Variants in POLR3A observed in about 807,000 individuals in gnomAD.
POLR3A encodes RNA polymerase III subunit A.
A neutral mutation model predicts 152.8 loss-of-function variants in POLR3A; 112 were observed. The ratio of observed to expected loss-of-function variants is 0.73; its 90% confidence interval spans 0.63 to 0.86. The LOEUF (loss-of-function observed/expected upper bound fraction) is 0.86, where lower values mean the gene tolerates loss of function less well. Among genes scored for constraint, POLR3A ranks in the 40% least tolerant of loss-of-function variants. The pLI is 0.00. For missense variants in POLR3A, 1,385 were observed against 1,743.1 expected (o/e 0.79, Z 3.66); for synonymous variants, 615 against 652.1 (o/e 0.94, Z 0.87).
chr10:77,995,710 T>C (rs956673748), intron 19 of POLR3A, among the ~76,000 whole-genome samples: 1 of 152,134 alleles, frequency 6.6e-6, no homozygotes. Flanking sequence ...ACAATAATAA[T>C]GGGAGACTTT....
At chr10:78,004,197 G>A (rs551430350) in intron 16 of POLR3A, among the ~76,000 whole-genome samples, 7 of 152,110 alleles carry the variant, frequency 4.6e-5, no homozygotes, top group Non-Finnish European at 1.0e-4. Flanking sequence ...TCGTACCACT[G>A]CACTCCAGCC....
At position 78,029,477 on chromosome 10, in the gene POLR3A, T is replaced by A; in HGVS notation, c.-70A>T. 6.6e-7 allele frequency: 1 copy of A among 1,511,862 alleles called. No homozygotes were observed. Among genetic ancestry groups the A allele is most frequent in the South Asian group, 1.1e-5 (1 of 88,934 alleles). 93.7% of individuals were successfully genotyped at this position (1,511,862 alleles called of 1,614,324 possible). A position where few individuals can be genotyped will look rare whatever the true frequency, so the allele number is the denominator to read the frequency against. ...TTAGAGAAACGATGCCCCCAGCACC[T>A]CCTGGGGCTGCTTCTGGACTCGCCG... On this transcript the variant is annotated 5_prime_UTR_variant, in exon 1 of 31. Coordinates refer to ENST00000372371, the MANE Select transcript of POLR3A (RefSeq NM_007055.4).
In POLR3A at chr10:78,002,251, G is replaced by A. The variant is rs188164557; in HGVS notation, c.2305C>T (p.Arg769Trp). 6.4e-5 allele frequency: 103 copies of A among 1,604,958 alleles called. No individual in the cohort carries two copies. The highest frequency in any genetic ancestry group is 7.7e-5 in the Non-Finnish European group (90 of 1,176,400). The part of the protein sequence containing the change: ...IRDHAGSACL[R>W]ELDKSNSPLT... ...GGGCTGTTGCTCTTGTCCAGCTCCC[G>A]GAGGCAGGCACTGCCAGCGTGGTCA... Residue 769 changes from arginine (R) to tryptophan (W), a missense_variant, in exon 17 of 31, where the codon CGG (arginine) becomes TGG (tryptophan). By Grantham distance (101) the Arg-to-Trp change is moderately radical. Transcript: ENST00000372371.
intron 19 of POLR3A, among the ~76,000 whole-genome samples, chr10:77,996,409 C>T (rs145934718): frequency 0.085 from 12,897 of 151,884 alleles, 1,754 homozygotes; most frequent in African/African-American, 0.29. Context: ...ATTGACAGAC[C>T]GCTAGCAAGA....
chr10:78,002,385 A>T lies in POLR3A; in HGVS notation c.2248-77T>A, dbSNP rs866528066. 4.0e-6 allele frequency: 4 copies of T among 1,007,656 alleles called. No individual in the cohort carries two copies. The Middle Eastern group carries it at 8.1e-4, about 204-fold the overall frequency. 62.4% of individuals were successfully genotyped at this position (1,007,656 alleles called of 1,614,324 possible). ...ATTACAAATGTTCAATCTAACATTT[A>T]AAGAAATTTGAAAATACTGAGGCAA... On this transcript the variant is annotated intron_variant, in intron 16 of 30. Transcript: ENST00000372371.
At chr10:77,989,471 T>G (rs80242863) in intron 21 of POLR3A, among the ~76,000 whole-genome samples, 188 of 152,344 alleles carry the variant, frequency 1.2e-3, no homozygotes, top group African/African-American at 4.3e-3. Flanking sequence ...GGCAAGGACA[T>G]GTTTAGTCAT....
rs758387806 is a variant in POLR3A, at chr10:78,010,471, C to T, written c.1642G>A (p.Gly548Ser). 6.2e-7 allele frequency: 1 copy of T among 1,611,402 alleles called. No homozygotes were observed. Among genetic ancestry groups the T allele is most frequent in the Admixed American group, 1.7e-5 (1 of 60,010 alleles). ...TTTCAAGTGAACTTCACCAACCTACCTGTTAGAAAATCCTGAATAGCAGCA... is the reference window on the plus strand; with the variant it reads ...TTTCAAGTGAACTTCACCAACCTACTTGTTAGAAAATCCTGAATAGCAGCA... ...LIAAIQDFLT[G>S]AYLLTLKDTF... The change falls in exon 12 of 31, where the codon GGT (glycine) becomes AGT (serine). Residue 548 changes from glycine to serine, a missense_variant and splice_region_variant. Gly to Ser is a moderately conservative substitution (Grantham distance 56). Around this residue, in one of 7 missense-constraint regions of POLR3A, gnomAD observed 188 missense variants for 179.9 expected, o/e 1.04. Transcript: ENST00000372371.
chr10:77,992,898 T>C (rs958733759), intron 20 of POLR3A, among the ~76,000 whole-genome samples: 4 of 150,918 alleles, frequency 2.7e-5, no homozygotes, highest in South Asian at 2.1e-4. Flanking sequence ...CTTTTTTTTA[T>C]AGAGACGGGG....
chr10:78,000,951 T>C, intron 18 of POLR3A, 25 bp downstream of exon 18: 1 of 1,165,746 alleles, frequency 8.6e-7, no homozygotes, highest in Non-Finnish European at 1.3e-6. Context: ...ATCTTCACAG[T>C]TCTACCTGAT....
chr10:78,003,800 C>G (rs899846415), intron 16 of POLR3A, among the ~76,000 whole-genome samples: 1 of 151,368 alleles, frequency 6.6e-6, no homozygotes, highest in Non-Finnish European at 1.5e-5. Flanking sequence ...TGGTGGTGGG[C>G]GCCTGTAATC....
intron 19 of POLR3A, among the ~76,000 whole-genome samples, chr10:77,994,912 A>C (rs902375127): frequency 8.8e-4 from 134 of 152,334 alleles, no homozygotes; most frequent in Middle Eastern, 6.8e-3. Flanking sequence ...AGCCAGAGAG[A>C]AAGGTCGGGT....
At chr10:77,980,424 C>G (rs1847129952) in intron 29 of POLR3A, 151 bp from the exon 30 acceptor site, 2 of 726,264 alleles carry the variant, frequency 2.8e-6, no homozygotes, top group South Asian at 3.0e-5. Context: ...GGTCCGCCCT[C>G]TGTGTCCCAT....
chr10:78,014,147 A>T (rs933459858), intron 10 of POLR3A, among the ~76,000 whole-genome samples: 1 of 150,520 alleles, frequency 6.6e-6, no homozygotes. Context: ...ATAGAGCGAG[A>T]CTCCATCTCA....
chr10:78,005,062 T>C (rs566495799), intron 15 of POLR3A, among the ~76,000 whole-genome samples, 174 bp from the exon 16 acceptor site: 1 of 152,362 alleles, frequency 6.6e-6, no homozygotes, highest in East Asian at 1.9e-4. Flanking sequence ...AATTAAATAA[T>C]GGCTTTCTTT....
In POLR3A at chr10:78,002,300, GATCAGT is replaced by G; in HGVS notation, c.2250_2255del (p.Ile752_Leu753del). The G allele has an allele frequency of 1.3e-6, 2 of 1,594,514 alleles. No individual in the cohort carries two copies. The highest frequency in any genetic ancestry group is 1.7e-6 in the Non-Finnish European group (2 of 1,169,590). On this transcript the variant is annotated inframe_deletion and splice_region_variant, in exon 17 of 31. Transcript: ENST00000372371. Reference sequence around the variant, plus strand: ...CACGGATCACAGACAGCTCCTTCAGGATCAGTGCCTAGTGGGAGAAAAGGAGATCCT... The same window carrying G: ...CACGGATCACAGACAGCTCCTTCAGGGCCTAGTGGGAGAAAAGGAGATCCT...
chr10:78,007,063 C>T (rs1343212512), intron 15 of POLR3A, among the ~76,000 whole-genome samples: 1 of 151,862 alleles, frequency 6.6e-6, no homozygotes, highest in Non-Finnish European at 1.5e-5. Context: ...AGAGCAAGAC[C>T]CTATCTTCAA....
At position 78,025,679 on chromosome 10, in the gene POLR3A, G is replaced by C; in HGVS notation, c.261C>G (p.Asp87Glu). The change falls in exon 3 of 31, where the codon GAC becomes GAG. Residue 87 changes from aspartate to glutamate, a missense_variant. By Grantham distance (45) the Asp-to-Glu change is conservative. Transcript: ENST00000372371. ...CTACATGAAAACACGGCAACTCCAG[G>C]TCGATATACCCATAGTGGCCTAGAC... is the stretch of plus-strand genomic sequence containing the variant. Reference protein sequence around the residue: ...ADCLGHYGYIDLELPCFHVGY... With the variant: ...ADCLGHYGYIELELPCFHVGY... 6.2e-7 allele frequency: 1 copy of C among 1,613,988 alleles called. No individual in the cohort carries two copies. Among genetic ancestry groups the C allele is most frequent in the Non-Finnish European group, 8.5e-7 (1 of 1,179,952 alleles).
Position 77,976,033 on chromosome 10 carries a change from C to T in POLR3A, c.*1445G>A, listed in dbSNP as rs1847085572. ...CATTTTTTTTCCACATCACTGATAC[C>T]CCAAGAGAAGTTAATAGGTCTACCT... On this transcript the variant is annotated 3_prime_UTR_variant, in exon 31 of 31. Transcript: ENST00000372371. The T allele has an allele frequency of 6.6e-6, 1 of 151,890 alleles. No homozygotes were observed. Among genetic ancestry groups the T allele is most frequent in the Non-Finnish European group, 1.5e-5 (1 of 67,968 alleles). The allele number at this position is 151,890 out of a possible 1,614,324, so 9.4% of individuals were successfully genotyped here. A position where few individuals can be genotyped will look rare whatever the true frequency, so the allele number is the denominator to read the frequency against.
At chr10:77,986,212 A>C (rs1847197131) in intron 21 of POLR3A, 53 bp from the exon 22 acceptor site, 9 of 907,554 alleles carry the variant, frequency 9.9e-6, no homozygotes, top group South Asian at 9.1e-5. Context: ...CATGCAGATG[A>C]CATAATTCAT....
Sources: allele counts gnomAD v4.1 joint callset (sites outside exome capture counted in the v4.1 genomes callset), GRCh38; gene constraint gnomAD v4.1.1; regional missense constraint gnomAD v4.1.1; transcripts MANE v1.5; gene names NCBI Gene and HGNC (gene_info 2026-07-23, HGNC 2026-07-21).